Variants in PTPRM observed in about 807,000 individuals in gnomAD.
The protein encoded by PTPRM is receptor-type tyrosine-protein phosphatase mu.
Under a neutral mutation model 186.7 loss-of-function variants are expected in PTPRM, and 47 were observed. The ratio of observed to expected loss-of-function variants is 0.25; its 90% confidence interval spans 0.20 to 0.32. The LOEUF (loss-of-function observed/expected upper bound fraction) is 0.32. Ranked by LOEUF, PTPRM falls within the 10% of genes least tolerant of loss-of-function variation. The pLI is 1.00. For missense variants in PTPRM, 1,494 were observed against 1,865.0 expected, an observed-to-expected ratio of 0.80 and a Z score of 3.66; for synonymous variants, 668 against 674.9, an observed-to-expected ratio of 0.99 and a Z score of 0.16.
chr18:8,064,888 G>A (rs1600355766), intron 7 of PTPRM, among the ~76,000 whole-genome samples: 1 of 152,160 alleles, frequency 6.6e-6, no homozygotes, highest in South Asian at 2.1e-4. Context: ...AGTAAAGGGA[G>A]CTATTGCTTT....
chr18:7,919,108 C>T (rs2050720429), intron 4 of PTPRM, among the ~76,000 whole-genome samples: 1 of 152,034 alleles, frequency 6.6e-6, no homozygotes, highest in African/African-American at 2.4e-5. Flanking sequence ...GCTACAAATG[C>T]GTAGATTTAT....
At chr18:7,756,831 G>A (rs541932529) in intron 1 of PTPRM, among the ~76,000 whole-genome samples, 14 of 152,248 alleles carry the variant, frequency 9.2e-5, no homozygotes, top group African/African-American at 2.9e-4. Flanking sequence ...GTAAAGGGGG[G>A]ACAACGTTTT....
intron 11 of PTPRM, 51 bp from the exon 12 acceptor site, chr18:8,113,435 G>T (rs1168502881): frequency 1.3e-6 from 2 of 1,539,106 alleles, no homozygotes; most frequent in South Asian, 1.2e-5. Context: ...AGGCAGAGTG[G>T]ATCAGTTCAG....
At chr18:7,807,395 G>A (rs2044287351) in intron 2 of PTPRM, among the ~76,000 whole-genome samples, 1 of 152,156 alleles carries the variant, frequency 6.6e-6, no homozygotes, top group Admixed American at 6.5e-5. Context: ...ACACTTTAGT[G>A]GTTGCTTTAA....
At chr18:8,013,239 T>A (rs755264921) in intron 7 of PTPRM, among the ~76,000 whole-genome samples, 1 of 152,160 alleles carries the variant, frequency 6.6e-6, no homozygotes, top group Non-Finnish European at 1.5e-5. Context: ...TCAGAAAATA[T>A]TATGAACCAA....
chr18:7,930,154 G>A (rs1432115240), intron 5 of PTPRM, among the ~76,000 whole-genome samples: 1 of 151,842 alleles, frequency 6.6e-6, no homozygotes, highest in Non-Finnish European at 1.5e-5. Flanking sequence ...CTGCAGCCTC[G>A]ACCACCTGGG....
chr18:7,954,194 A>G (rs2053163719), intron 6 of PTPRM, among the ~76,000 whole-genome samples: 1 of 152,196 alleles, frequency 6.6e-6, no homozygotes, highest in Non-Finnish European at 1.5e-5. Context: ...TGACAATGAT[A>G]TAGGAAAGAG....
At chr18:7,946,602 C>T (rs2052541141) in intron 5 of PTPRM, among the ~76,000 whole-genome samples, 1 of 152,176 alleles carries the variant, frequency 6.6e-6, no homozygotes, top group East Asian at 1.9e-4. Context: ...AGGAACCTTT[C>T]TCCTGTTGTA....
At chr18:7,691,497 C>T (rs907179107) in intron 1 of PTPRM, among the ~76,000 whole-genome samples, 5 of 152,078 alleles carry the variant, frequency 3.3e-5, no homozygotes, top group Admixed American at 6.6e-5. Flanking sequence ...AAACCAAATT[C>T]GGTATTTCGG....
At chr18:7,910,592 T>C (rs920904417) in intron 4 of PTPRM, among the ~76,000 whole-genome samples, 3 of 152,164 alleles carry the variant, frequency 2.0e-5, no homozygotes, top group African/African-American at 7.2e-5. Flanking sequence ...ATTCAGAGGC[T>C]GAAGTGAAGA....
chr18:8,087,278 T>G (rs533422059), intron 10 of PTPRM, among the ~76,000 whole-genome samples: 1 of 152,304 alleles, frequency 6.6e-6, no homozygotes, highest in South Asian at 2.1e-4. Flanking sequence ...GTGTATTTTT[T>G]GAATAAAATA....
intron 1 of PTPRM, among the ~76,000 whole-genome samples, chr18:7,750,664 G>A (rs866255357): frequency 6.6e-6 from 1 of 152,088 alleles, no homozygotes. Flanking sequence ...TTTCAGCACA[G>A]GTTCTTTTCC....
intron 1 of PTPRM, among the ~76,000 whole-genome samples, chr18:7,752,051 T>C (rs535560098): frequency 6.0e-4 from 92 of 152,358 alleles, no homozygotes; most frequent in Admixed American, 1.4e-3. Flanking sequence ...CTGAATGACT[T>C]TTCTGCTGTC....
At chr18:8,385,282 C>T (rs137915087) in intron 30 of PTPRM, among the ~76,000 whole-genome samples, 38 of 152,070 alleles carry the variant, frequency 2.5e-4, no homozygotes, top group African/African-American at 7.2e-4. Flanking sequence ...AGGAGCCTGA[C>T]GAAAGTTTGG....
intron 23 of PTPRM, chr18:8,364,990 C>G (rs983304416): frequency 1.3e-5 from 2 of 152,226 alleles, no homozygotes; most frequent in Non-Finnish European, 2.9e-5. Flanking sequence ...GCAGCTTGTG[C>G]TAATGGAAAA....
intron 5 of PTPRM, among the ~76,000 whole-genome samples, chr18:7,936,599 T>G (rs776365792): frequency 3.9e-5 from 6 of 152,132 alleles, no homozygotes; most frequent in Non-Finnish European, 2.9e-5. Flanking sequence ...CAGGTGCCCC[T>G]CAGCATGAAC....
intron 14 of PTPRM, among the ~76,000 whole-genome samples, chr18:8,144,113 C>A (rs2092825647): frequency 6.6e-6 from 1 of 152,144 alleles, no homozygotes; most frequent in South Asian, 2.1e-4. Context: ...CATACTAAGA[C>A]ATTTGGTAAT....
intron 2 of PTPRM, among the ~76,000 whole-genome samples, chr18:7,836,669 C>A (rs1219677462): frequency 6.6e-6 from 1 of 152,194 alleles, no homozygotes; most frequent in Admixed American, 6.5e-5. Flanking sequence ...TCTTGTAGGA[C>A]AGGTCTGCTG....
At chr18:8,264,055 A>G (rs762670282) in intron 19 of PTPRM, among the ~76,000 whole-genome samples, 1 of 152,116 alleles carries the variant, frequency 6.6e-6, no homozygotes, top group Non-Finnish European at 1.5e-5. Flanking sequence ...GCCTCAGCCT[A>G]TGGGATCTGA....
Sources: gnomAD v4.1 joint callset for allele counts (sites outside exome capture counted in the v4.1 genomes callset) on GRCh38, gnomAD v4.1.1 for gene constraint, MANE v1.5 for transcripts, NCBI Gene and HGNC (gene_info 2026-07-23, HGNC 2026-07-21) for gene names.